The following TBC1D5 variants were observed in gnomAD, a reference collection of about 807,000 sequenced individuals.
The protein encoded by TBC1D5 is TBC1 domain family, member 5.
TBC1D5 carries 75 observed loss-of-function variants against 100.3 expected under a neutral mutation model. That is an observed-to-expected ratio of 0.75 (90% CI 0.62 to 0.91). The LOEUF is 0.91. Among genes scored for constraint, TBC1D5 ranks in the 40% least tolerant of loss-of-function variants. TBC1D5 has a pLI of 0.00. For missense variants in TBC1D5, 910 were observed against 942.4 expected (o/e 0.97, Z 0.45); for synonymous variants, 323 against 325.6 (o/e 0.99, Z 0.09).
At chr3:17,249,784 G>A (rs2077035973) in intron 16 of TBC1D5, among the ~76,000 whole-genome samples, 2 of 152,110 alleles carry the variant, frequency 1.3e-5, no homozygotes, top group South Asian at 4.1e-4. Context: ...CAAGGAAAGG[G>A]AGAAAGATGA....
intron 5 of TBC1D5, among the ~76,000 whole-genome samples, chr3:17,406,076 TA>T (rs2093762004): frequency 6.6e-6 from 1 of 152,004 alleles, no homozygotes; most frequent in African/African-American, 2.4e-5. Flanking sequence ...AATAGGAACC[TA>T]AAAGTTAACC....
intron 1 of TBC1D5, among the ~76,000 whole-genome samples, chr3:17,676,136 A>G (rs2068597474): frequency 6.6e-6 from 1 of 152,188 alleles, no homozygotes; most frequent in African/African-American, 2.4e-5. Flanking sequence ...TAAAAGAAAT[A>G]AATCTCCATT....
intron 1 of TBC1D5, among the ~76,000 whole-genome samples, chr3:17,715,696 G>T (rs2075165733): frequency 6.6e-6 from 1 of 151,932 alleles, no homozygotes; most frequent in African/African-American, 2.4e-5. Flanking sequence ...CAGCTACTCA[G>T]GAGGCTGAGG....
chr3:17,360,764 T>C (rs1364349428), intron 13 of TBC1D5, among the ~76,000 whole-genome samples: 2 of 152,024 alleles, frequency 1.3e-5, no homozygotes, highest in Non-Finnish European at 1.5e-5. Flanking sequence ...TTCTATGTTA[T>C]ATATTTTGGA....
chr3:17,322,190 T>G (rs1405455253), intron 13 of TBC1D5, among the ~76,000 whole-genome samples: 1 of 152,240 alleles, frequency 6.6e-6, no homozygotes, highest in Non-Finnish European at 1.5e-5. Flanking sequence ...GTGATTTGCT[T>G]TAAAATTCAC....
chr3:17,481,746 T>G (rs2095504816), intron 3 of TBC1D5, among the ~76,000 whole-genome samples: 1 of 152,252 alleles, frequency 6.6e-6, no homozygotes, highest in Non-Finnish European at 1.5e-5. Context: ...TGACTTTATT[T>G]TTTTTTGAGA....
chr3:17,483,982 T>G (rs1282432969), intron 3 of TBC1D5, among the ~76,000 whole-genome samples: 2 of 152,138 alleles, frequency 1.3e-5, no homozygotes, highest in Non-Finnish European at 2.9e-5. Context: ...AATCAAAATT[T>G]TATCTTCAAA....
At chr3:17,610,783 G>A (rs767334024) in intron 2 of TBC1D5, among the ~76,000 whole-genome samples, 35 of 152,258 alleles carry the variant, frequency 2.3e-4, no homozygotes, top group Admixed American at 6.5e-4. Flanking sequence ...TTGGGAGGCC[G>A]AGGCAAGTGG....
At chr3:17,399,213 T>C (rs2093586314) in intron 8 of TBC1D5, among the ~76,000 whole-genome samples, 1 of 151,904 alleles carries the variant, frequency 6.6e-6, no homozygotes, top group African/African-American at 2.4e-5. Flanking sequence ...GCACAGGGAG[T>C]CATAGAAAGT....
chr3:17,376,919 T>C (rs1034918406), intron 9 of TBC1D5, among the ~76,000 whole-genome samples: 3 of 152,116 alleles, frequency 2.0e-5, no homozygotes, highest in Non-Finnish European at 2.9e-5. Flanking sequence ...TCAAGATCTG[T>C]ACTCATAAAT....
intron 3 of TBC1D5, among the ~76,000 whole-genome samples, chr3:17,434,768 C>T (rs1445596391): frequency 6.6e-6 from 1 of 152,198 alleles, no homozygotes; most frequent in Non-Finnish European, 1.5e-5. Context: ...TTCCACTCCC[C>T]GTTACTTCTG....
intron 8 of TBC1D5, among the ~76,000 whole-genome samples, chr3:17,395,794 ACTGAAAAAAATTT>A (rs2093487289): frequency 6.6e-6 from 1 of 152,182 alleles, no homozygotes; most frequent in South Asian, 2.1e-4. Context: ...TCATTAAAAT[ACTGAAAAAAATTT>A]AAGTTTTTAA....
intron 1 of TBC1D5, among the ~76,000 whole-genome samples, chr3:17,721,932 A>T (rs1280305165): frequency 6.6e-6 from 1 of 152,028 alleles, no homozygotes; most frequent in African/African-American, 2.4e-5. Flanking sequence ...CAGTGAGCCG[A>T]GATCACGCCA....
chr3:17,345,468 G>C (rs1237651799), intron 13 of TBC1D5, among the ~76,000 whole-genome samples: 1 of 152,078 alleles, frequency 6.6e-6, no homozygotes, highest in Non-Finnish European at 1.5e-5. Context: ...TTACACTGTT[G>C]GTGGGACGGT....
chr3:17,166,788 T>A, exon 21 of TBC1D5: 3 of 1,612,078 alleles, frequency 1.9e-6, no homozygotes, highest in Middle Eastern at 3.3e-4. Flanking sequence ...CCCCTGACAT[T>A]TGAACGCTCT....
intron 2 of TBC1D5, among the ~76,000 whole-genome samples, chr3:17,583,203 C>T (rs941476594): frequency 6.6e-6 from 1 of 151,818 alleles, no homozygotes; most frequent in Non-Finnish European, 1.5e-5. Context: ...GAGGATTGCT[C>T]GTGCCTAGGA....
chr3:17,600,834 A>G (rs1265443527), intron 2 of TBC1D5, among the ~76,000 whole-genome samples: 7 of 152,102 alleles, frequency 4.6e-5, no homozygotes, highest in Non-Finnish European at 8.8e-5. Flanking sequence ...GGGCGGGGGA[A>G]AAAAACTGCC....
chr3:17,300,592 A>AT (rs149066107), intron 14 of TBC1D5, among the ~76,000 whole-genome samples: 2,283 of 152,294 alleles, frequency 0.015, 49 homozygotes, highest in African/African-American at 0.052. Context: ...AGGCCAGGAA[A>AT]GGCTAAAGAA....
intron 18 of TBC1D5, among the ~76,000 whole-genome samples, chr3:17,213,802 A>G (rs542545924): frequency 3.7e-4 from 55 of 149,512 alleles, no homozygotes; most frequent in Admixed American, 1.1e-3. Flanking sequence ...TGTAGTTTGT[A>G]TAGCTTTTTA....
Sources: gnomAD v4.1 joint callset for allele counts (sites outside exome capture counted in the v4.1 genomes callset) on GRCh38, gnomAD v4.1.1 for gene constraint, MANE v1.5 for transcripts, NCBI Gene and HGNC (gene_info 2026-07-23, HGNC 2026-07-21) for gene names.